GALNT17: variants seen among roughly 807,000 people sequenced by gnomAD.
GALNT17 encodes polypeptide N-acetylgalactosaminyltransferase 17.
Under a neutral mutation model 63.7 loss-of-function variants are expected in GALNT17, and 29 were observed. That is an observed-to-expected ratio of 0.46 (90% CI 0.34 to 0.62). GALNT17 has a LOEUF of 0.62. Among genes scored for constraint, GALNT17 ranks in the 20% least tolerant of loss-of-function variants. The pLI is 0.01. For missense variants in GALNT17, 603 were observed against 799.6 expected (o/e 0.75, Z 2.97); for synonymous variants, 305 against 318.3 (o/e 0.96, Z 0.45).
intron 1 of GALNT17, among the ~76,000 whole-genome samples, chr7:71,259,650 T>G (rs1241156349): frequency 1.3e-5 from 2 of 148,624 alleles, no homozygotes; most frequent in Non-Finnish European, 3.0e-5. Context: ...TTTTTTGTTT[T>G]TTTTTTTTTG....
At chr7:71,408,976 A>G (rs1455936834) in intron 3 of GALNT17, among the ~76,000 whole-genome samples, 1 of 150,772 alleles carries the variant, frequency 6.6e-6, no homozygotes, top group African/African-American at 2.4e-5. Flanking sequence ...ATGTGTATAT[A>G]TACATATATA....
chr7:71,643,866 A>G (rs1790637552), intron 6 of GALNT17, among the ~76,000 whole-genome samples: 1 of 152,224 alleles, frequency 6.6e-6, no homozygotes, highest in African/African-American at 2.4e-5. Context: ...ACAGCTGGCT[A>G]CCATTCCAGT....
chr7:71,445,348 T>C (rs1787143003), intron 5 of GALNT17, among the ~76,000 whole-genome samples: 3 of 151,576 alleles, frequency 2.0e-5, no homozygotes, highest in Admixed American at 2.0e-4. Context: ...CCGGCTAATT[T>C]TTGTATTTTT....
chr7:71,176,669 G>A (rs1313588619), intron 1 of GALNT17, among the ~76,000 whole-genome samples: 1 of 152,072 alleles, frequency 6.6e-6, no homozygotes, highest in Non-Finnish European at 1.5e-5. Context: ...ACTTTGAGCC[G>A]AATAGGGTTT....
intron 1 of GALNT17, among the ~76,000 whole-genome samples, chr7:71,203,693 G>A (rs867753408): frequency 3.3e-5 from 5 of 152,134 alleles, no homozygotes; most frequent in African/African-American, 1.2e-4. Flanking sequence ...GCTCAGATTC[G>A]AGGGAGGCCT....
At chr7:71,436,477 T>C (rs994086705) in intron 5 of GALNT17, among the ~76,000 whole-genome samples, 6 of 152,146 alleles carry the variant, frequency 3.9e-5, no homozygotes, top group Admixed American at 2.6e-4. Context: ...CCCAGCACTT[T>C]GGGAGGCCGA....
chr7:71,597,386 T>C (rs1039943451), intron 6 of GALNT17, among the ~76,000 whole-genome samples: 1 of 151,994 alleles, frequency 6.6e-6, no homozygotes, highest in African/African-American at 2.4e-5. Flanking sequence ...TGCATGCCTG[T>C]AGTTCCAGCT....
At chr7:71,335,433 A>C in intron 1 of GALNT17, 117 bp from the exon 2 acceptor site, 1 of 1,058,074 alleles carries the variant, frequency 9.5e-7, no homozygotes, top group Non-Finnish European at 1.3e-6. Context: ...AATTGAGGAC[A>C]TCATTTTTTC....
intron 1 of GALNT17, among the ~76,000 whole-genome samples, chr7:71,297,194 A>G (rs1011158393): frequency 2.0e-5 from 3 of 152,134 alleles, no homozygotes; most frequent in African/African-American, 4.8e-5. Flanking sequence ...TGCAGCCTCT[A>G]TTCTCATTCA....
chr7:71,281,595 A>G (rs1790778042), intron 1 of GALNT17, among the ~76,000 whole-genome samples: 3 of 152,176 alleles, frequency 2.0e-5, no homozygotes, highest in Admixed American at 2.0e-4. Flanking sequence ...GTAGAAAGGC[A>G]TCATCCCTTA....
At chr7:71,443,938 G>C (rs1197950201) in intron 5 of GALNT17, among the ~76,000 whole-genome samples, 1 of 152,148 alleles carries the variant, frequency 6.6e-6, no homozygotes, top group African/African-American at 2.4e-5. Flanking sequence ...TGTTGGCCAG[G>C]CTGGTCTCGA....
intron 9 of GALNT17, among the ~76,000 whole-genome samples, chr7:71,682,012 C>T (rs1019302741): frequency 5.9e-5 from 9 of 151,938 alleles, no homozygotes; most frequent in African/African-American, 2.2e-4. Context: ...CTGCAACCTC[C>T]GCCTCCTGGG....
chr7:71,390,214 TCGTC>T (rs1793025182), intron 3 of GALNT17, among the ~76,000 whole-genome samples: 1 of 152,082 alleles, frequency 6.6e-6, no homozygotes, highest in African/African-American at 2.4e-5. Flanking sequence ...AGCTGCTCCG[TCGTC>T]CGGAAGATGG....
rs753514998 is a variant in GALNT17 at position 71,132,925 on chromosome 7, G to C, written c.123G>C (p.Glu41Asp). ...TGCGCAGCGGAGACGCCTTCCACGAGATCCGGCCGCGCGCCGAGGTGGCCA... is the reference window on the plus strand; with the variant it reads ...TGCGCAGCGGAGACGCCTTCCACGACATCCGGCCGCGCGCCGAGGTGGCCA... Reference protein sequence around the residue: ...IAVRSGDAFHEIRPRAEVANL... With the variant: ...IAVRSGDAFHDIRPRAEVANL... The change falls in exon 1 of 11, where the codon GAG becomes GAC. Residue 41 changes from glutamate to aspartate, a missense_variant. Coordinates refer to ENST00000333538, the MANE Select transcript of GALNT17 (RefSeq NM_022479.3). The C allele has an allele frequency of 6.2e-7, 1 of 1,611,862 alleles. No individual in the cohort carries two copies. Among genetic ancestry groups the C allele is most frequent in the South Asian group, 1.1e-5 (1 of 91,022 alleles).
intron 1 of GALNT17, among the ~76,000 whole-genome samples, chr7:71,206,224 C>T (rs1789269358): frequency 6.6e-6 from 1 of 151,382 alleles, no homozygotes; most frequent in Admixed American, 6.6e-5. Flanking sequence ...TGAATTTGTA[C>T]TCATAAATTC....
intron 6 of GALNT17, among the ~76,000 whole-genome samples, chr7:71,638,479 C>T (rs913931631): frequency 1.3e-5 from 2 of 152,092 alleles, no homozygotes; most frequent in African/African-American, 2.4e-5. Context: ...AGAGGCTGTC[C>T]CTCCCCTGGA....
chr7:71,215,943 T>A (rs1182302474), intron 1 of GALNT17, among the ~76,000 whole-genome samples: 1 of 152,068 alleles, frequency 6.6e-6, no homozygotes, highest in East Asian at 1.9e-4. Context: ...AAGCACTTCC[T>A]CCCTTGGCCA....
chr7:71,711,898 T>G (rs1791799166), intron 10 of GALNT17, 120 bp from the exon 11 acceptor site: 6 of 1,146,000 alleles, frequency 5.2e-6, no homozygotes, highest in Non-Finnish European at 7.5e-6. Flanking sequence ...TTCTCTTCTC[T>G]TTTTCTTTTT....
At chr7:71,227,274 G>A (rs1200906544) in intron 1 of GALNT17, among the ~76,000 whole-genome samples, 2 of 151,388 alleles carry the variant, frequency 1.3e-5, no homozygotes, top group Admixed American at 6.6e-5. Flanking sequence ...TGAGGCGGGA[G>A]AATTGCTTGA....
Sources: gnomAD v4.1 joint callset for allele counts (sites outside exome capture counted in the v4.1 genomes callset) on GRCh38, gnomAD v4.1.1 for gene constraint, MANE v1.5 for transcripts, NCBI Gene and HGNC (gene_info 2026-07-23, HGNC 2026-07-21) for gene names.